DNAL1: variants seen among roughly 807,000 people sequenced by gnomAD.
DNAL1 encodes dynein axonemal light chain 1, also known as chromosome 14 open reading frame 168.
A neutral mutation model predicts 29.4 loss-of-function variants in DNAL1; 17 were observed. The observed-to-expected ratio is 0.58, with a 90% CI of 0.40 to 0.87. The LOEUF (loss-of-function observed/expected upper bound fraction) is 0.87. DNAL1 is among the 40% of genes least tolerant of loss of function. The pLI is 0.00. For synonymous variants in DNAL1, 78 were observed against 76.3 expected, an observed-to-expected ratio of 1.02 and a Z score of -0.12; for missense variants, 188 against 214.1, an observed-to-expected ratio of 0.88 and a Z score of 0.76.
chr14:73,688,768 T>C (rs1892084904), intron 6 of DNAL1, among the ~76,000 whole-genome samples: 1 of 152,224 alleles, frequency 6.6e-6, no homozygotes. Context: ...GAAGAAGACC[T>C]GTCACTGGAG....
intron 5 of DNAL1, among the ~76,000 whole-genome samples, chr14:73,677,621 A>G (rs1285618306): frequency 1.3e-5 from 2 of 150,048 alleles, no homozygotes; most frequent in Non-Finnish European, 3.0e-5. Context: ...CAGTGGCATG[A>G]TCTTGGCTCA....
chr14:73,694,001 G>A (rs901452756), intron 7 of DNAL1, among the ~76,000 whole-genome samples: 10 of 152,064 alleles, frequency 6.6e-5, no homozygotes, highest in African/African-American at 1.4e-4. Context: ...GCTCACTGCC[G>A]TAAAGAACAT....
At chr14:73,650,579 GTGTT>G (rs1891092155) in intron 1 of DNAL1, among the ~76,000 whole-genome samples, 1 of 152,134 alleles carries the variant, frequency 6.6e-6, no homozygotes, top group Non-Finnish European at 1.5e-5. Context: ...ATTAAGTATG[GTGTT>G]TGTTATAGAG....
At position 73,687,384 on chromosome 14, in the gene DNAL1, G is replaced by A; in HGVS notation, c.390G>A (p.Trp130Ter). The change falls in exon 6 of 8, where the codon TGG (tryptophan) becomes TGA (stop). Residue 130 changes from tryptophan to a stop codon, truncating the protein, a stop_gained and splice_region_variant. Transcript: ENST00000553645. LOFTEE classifies it high-confidence loss of function. ...TGTCTAATAACCTGGTAAAAGACTG[G>A]GGTAAGCTGAGAGTGGCCCTTTGCT... The part of the protein sequence containing the change: ...LYMSNNLVKD[W>*]AEFVKLAELP... 1.3e-6 allele frequency: 2 copies of A among 1,591,966 alleles called. No homozygotes were observed. The highest frequency in any genetic ancestry group is 1.2e-5 in the South Asian group (1 of 86,272).
intron 6 of DNAL1, among the ~76,000 whole-genome samples, chr14:73,688,262 A>G (rs1892070430): frequency 6.6e-6 from 1 of 152,168 alleles, no homozygotes. Flanking sequence ...CCTGCCCTCA[A>G]GAAGTTCACA....
chr14:73,691,315 C>T lies in DNAL1; in HGVS notation c.532+1800C>T, dbSNP rs148775125. 8.1e-3 allele frequency among the ~76,000 whole-genome samples: 1,227 copies of T among 152,100 alleles called. 23 individuals are homozygous for T. Among genetic ancestry groups the T allele is most frequent in the African/African-American group, 0.028 (1,162 of 41,512 alleles). On this transcript the variant is annotated intron_variant, in intron 7 of 7. Transcript: ENST00000553645. ...CTGTAATCCTAGCACTTTGGGAGGC[C>T]GAGGTGGGAGGATCACTTGAGGTCA...
chr14:73,648,999 A>G (rs1891048956), intron 1 of DNAL1, among the ~76,000 whole-genome samples: 1 of 151,812 alleles, frequency 6.6e-6, no homozygotes, highest in African/African-American at 2.4e-5. Flanking sequence ...TTTTTGAGAC[A>G]GAGTCTCACT....
In DNAL1 at chr14:73,681,123, TTTG is replaced by T. The variant is rs533407963; in HGVS notation, c.265-6130_265-6128del. Among the ~76,000 whole-genome samples, 1,056 of 151,504 alleles carry T rather than the reference TTTG, an allele frequency of 7.0e-3. 7 individuals are homozygous for T. The highest frequency in any genetic ancestry group is 0.012 in the Non-Finnish European group (824 of 67,832). ...GTTGTTGTTATTTGTTGTTGTTGGG[TTTG>T]TTGTTTTTTTGCTTTTTTTTTTTTT... On this transcript the variant is annotated intron_variant, in intron 5 of 7. Coordinates refer to ENST00000553645, the MANE Select transcript of DNAL1 (RefSeq NM_031427.4).
At chr14:73,646,491 A>G (rs1019682733) in intron 1 of DNAL1, among the ~76,000 whole-genome samples, 2 of 152,130 alleles carry the variant, frequency 1.3e-5, no homozygotes, top group African/African-American at 2.4e-5. Context: ...CACACCTGTA[A>G]TCCCAGAGGC....
intron 5 of DNAL1, among the ~76,000 whole-genome samples, chr14:73,684,697 C>A (rs1394674096): frequency 6.6e-6 from 1 of 152,032 alleles, no homozygotes; most frequent in Non-Finnish European, 1.5e-5. Context: ...AGTTTGAGAC[C>A]AGCCTAGACA....
chr14:73,686,485 C>T (rs1299987198), intron 5 of DNAL1, among the ~76,000 whole-genome samples: 2 of 152,130 alleles, frequency 1.3e-5, no homozygotes, highest in Non-Finnish European at 2.9e-5. Flanking sequence ...GGGCAGATCC[C>T]TTGAGTCCAG....
At chr14:73,692,279 T>C (rs1892194307) in intron 7 of DNAL1, among the ~76,000 whole-genome samples, 1 of 152,054 alleles carries the variant, frequency 6.6e-6, no homozygotes, top group Admixed American at 6.6e-5. Context: ...GTCAGGAGTT[T>C]GAGACCAGCC....
intron 5 of DNAL1, among the ~76,000 whole-genome samples, chr14:73,677,914 GT>G (rs1348959390): frequency 9.8e-5 from 14 of 142,468 alleles, no homozygotes; most frequent in Non-Finnish European, 2.0e-4. Context: ...GTGTGTGTGT[GT>G]GATGGTGGTC....
intron 5 of DNAL1, 139 bp downstream of exon 5, chr14:73,671,736 G>C: frequency 9.4e-7 from 1 of 1,066,118 alleles, no homozygotes; most frequent in Non-Finnish European, 1.2e-6. Context: ...ATATTCTCAA[G>C]TTACCCTTCA....
intron 4 of DNAL1, among the ~76,000 whole-genome samples, chr14:73,663,202 ATTTTTTTT>A (rs58367000): frequency 1.6e-5 from 2 of 125,158 alleles, no homozygotes; most frequent in Non-Finnish European, 3.3e-5. Flanking sequence ...GGTCCCAGTA[ATTTTTTTT>A]TTTTTTTTTT....
At chr14:73,681,620 AAAAAAAAAAAAAAATATATATAT>A (rs1891881461) in intron 5 of DNAL1, among the ~76,000 whole-genome samples, 1 of 67,262 alleles carries the variant, frequency 1.5e-5, no homozygotes, top group African/African-American at 6.4e-5. Context: ...AAAAAAAAAA[AAAAAAAAAAAAAAATATATATAT>A]ATATATATAT....
chr14:73,661,282 CTA>C (rs1299751426), intron 3 of DNAL1, among the ~76,000 whole-genome samples: 2 of 152,124 alleles, frequency 1.3e-5, no homozygotes, highest in Non-Finnish European at 2.9e-5. Context: ...TAGTATTTCA[CTA>C]TCTGTTCCTA....
chr14:73,702,527 A>G lies in DNAL1; in HGVS notation c.*6585A>G, dbSNP rs968329637. On this transcript the variant is annotated 3_prime_UTR_variant, in exon 8 of 8. Coordinates refer to ENST00000553645, the MANE Select transcript of DNAL1 (RefSeq NM_031427.4). Reference sequence around the variant, plus strand: ...ACTCTTCCCCAGTTCTTTGGGCACTATTTCAAATTATTAGGCTTCTGGAAA... The same window carrying G: ...ACTCTTCCCCAGTTCTTTGGGCACTGTTTCAAATTATTAGGCTTCTGGAAA... 6 of 151,860 alleles carry G rather than the reference A, an allele frequency of 4.0e-5. No homozygotes were observed. The highest frequency in any genetic ancestry group is 3.9e-4 in the East Asian group (2 of 5,170). 9.4% of individuals were successfully genotyped at this position (151,860 alleles called of 1,614,324 possible). A position where few individuals can be genotyped will look rare whatever the true frequency, so the allele number is the denominator to read the frequency against.
chr14:73,678,351 A>G (rs1030091378), intron 5 of DNAL1, among the ~76,000 whole-genome samples: 1 of 152,090 alleles, frequency 6.6e-6, no homozygotes, highest in Admixed American at 6.6e-5. Context: ...TGAAAATGCT[A>G]TTATATTGTT....
Sources: allele counts gnomAD v4.1 joint callset (sites outside exome capture counted in the v4.1 genomes callset), GRCh38; gene constraint gnomAD v4.1.1; transcripts MANE v1.5; gene names NCBI Gene and HGNC (gene_info 2026-07-23, HGNC 2026-07-21).